CAPRIN1: variants seen among roughly 807,000 people sequenced by gnomAD.
CAPRIN1 encodes cell cycle associated protein 1, also known as caprin-1.
In CAPRIN1, 29 loss-of-function variants were observed where a neutral mutation model predicts 100.9. That is an observed-to-expected ratio of 0.29 (90% CI 0.21 to 0.39). The LOEUF is 0.39. Among genes scored for constraint, CAPRIN1 ranks in the 10% least tolerant of loss-of-function variants. The pLI is 1.00. For missense variants in CAPRIN1, 795 were observed against 876.7 expected (o/e 0.91, Z 1.18); for synonymous variants, 338 against 307.5 (o/e 1.10, Z -1.04).
intron 2 of CAPRIN1, among the ~76,000 whole-genome samples, chr11:34,060,086 C>T (rs1262202649): frequency 6.7e-6 from 1 of 148,258 alleles, no homozygotes; most frequent in Admixed American, 6.9e-5. Context: ...GTTCCAGCTA[C>T]TTGGGAGGCC....
At chr11:34,095,430 A>G (rs1851351948) in intron 15 of CAPRIN1, among the ~76,000 whole-genome samples, 2 of 152,254 alleles carry the variant, frequency 1.3e-5, no homozygotes, top group African/African-American at 4.8e-5. Flanking sequence ...AAGTAATTCA[A>G]GAGGAGCAGT....
chr11:34,082,250 T>C (rs1385049935), intron 7 of CAPRIN1, among the ~76,000 whole-genome samples: 1 of 152,074 alleles, frequency 6.6e-6, no homozygotes, highest in African/African-American at 2.4e-5. Flanking sequence ...CACAATGGCC[T>C]GATCTCGGCT....
At chr11:34,053,034 C>T (rs1850363355) in intron 2 of CAPRIN1, 10 of 1,036,892 alleles carry the variant, frequency 9.6e-6, no homozygotes, top group Admixed American at 5.8e-5. Context: ...GGTCCCTGCG[C>T]GGGGGGCTCC....
At chr11:34,090,497 C>T (rs201331936) in intron 13 of CAPRIN1, 32 bp from the exon 14 acceptor site, 80 of 1,600,164 alleles carry the variant, frequency 5.0e-5, no homozygotes, top group Non-Finnish European at 6.2e-5. Context: ...TTTAGTTTAC[C>T]GCTAAAGTGC....
intron 2 of CAPRIN1, among the ~76,000 whole-genome samples, chr11:34,067,691 T>G (rs962072799): frequency 1.3e-5 from 2 of 151,928 alleles, no homozygotes; most frequent in Middle Eastern, 3.4e-3. Flanking sequence ...TAGAGACAGG[T>G]TCTCACTATG....
At position 34,102,473 on chromosome 11, in the gene CAPRIN1, G is replaced by A. The variant is rs1378661297; in HGVS notation, c.*3106G>A. Among the ~76,000 whole-genome samples, 1 of 152,116 alleles carries A rather than the reference G, an allele frequency of 6.6e-6. No individual in the cohort carries two copies. Among genetic ancestry groups the A allele is most frequent in the African/African-American group, 2.4e-5 (1 of 41,410 alleles). ...CTTGTCCTTTTTATGGAGTTAACGGGGAGGAAGACCCCTCAGGAAAACGAA... is the reference window on the plus strand; with the variant it reads ...CTTGTCCTTTTTATGGAGTTAACGGAGAGGAAGACCCCTCAGGAAAACGAA... On this transcript the variant is annotated 3_prime_UTR_variant, in exon 19 of 19. Coordinates refer to ENST00000341394, the MANE Select transcript of CAPRIN1 (RefSeq NM_005898.5).
At chr11:34,053,566 C>T (rs1850381508) in intron 2 of CAPRIN1, 1 of 151,068 alleles carries the variant, frequency 6.6e-6, no homozygotes, top group Non-Finnish European at 1.5e-5. Context: ...ACCAGGCAGC[C>T]GCCCCGACTG....
chr11:34,093,549 C>T (rs1314725472), intron 15 of CAPRIN1, among the ~76,000 whole-genome samples: 1 of 152,156 alleles, frequency 6.6e-6, no homozygotes, highest in East Asian at 1.9e-4. Flanking sequence ...TCTTGGTAAA[C>T]TTGGATCAGC....
At position 34,091,814 on chromosome 11, in the gene CAPRIN1, T is replaced by G. The variant is rs558593264; in HGVS notation, c.1555-92T>G. 96 of 1,156,110 alleles carry G rather than the reference T, an allele frequency of 8.3e-5. 1 individual carries two copies. In the South Asian group the frequency reaches 1.3e-3, roughly 15 times the overall value. The allele number at this position is 1,156,110 out of a possible 1,614,324, so 71.6% of individuals were successfully genotyped here. On this transcript the variant is annotated intron_variant, in intron 14 of 18. Coordinates refer to ENST00000341394, the MANE Select transcript of CAPRIN1 (RefSeq NM_005898.5). ...TTTGAGACCTCTGTGATGTCTTTATTTATGTCTGAGGTAAAACCACCATTG... is the reference window on the plus strand; with the variant it reads ...TTTGAGACCTCTGTGATGTCTTTATGTATGTCTGAGGTAAAACCACCATTG...
intron 4 of CAPRIN1, 55 bp downstream of exon 4, chr11:34,072,042 T>G (rs762455811): frequency 1.7e-6 from 2 of 1,211,950 alleles, no homozygotes; most frequent in Non-Finnish European, 1.2e-6. Context: ...TTCTTTGGGT[T>G]TTAGTCCTTC....
At position 34,083,057 on chromosome 11, in the gene CAPRIN1, A is replaced by G; in HGVS notation, c.966+16A>G. ...AACGGTTGAGGTAAGAGTTCTCTGT[A>G]TTGCAAAGTTGTTGTCTTTGTCTTC... is the stretch of plus-strand genomic sequence containing the variant. On this transcript the variant is annotated intron_variant, in intron 9 of 18. Transcript: ENST00000341394. 2 of 1,575,246 alleles carry G rather than the reference A, an allele frequency of 1.3e-6. No individual in the cohort carries two copies. Among genetic ancestry groups the G allele is most frequent in the Middle Eastern group, 1.7e-4 (1 of 5,984 alleles).
chr11:34,072,075 G>T lies in CAPRIN1; in HGVS notation c.366+88G>T, dbSNP rs1209185732. 1.6e-5 allele frequency: 13 copies of T among 794,740 alleles called. No homozygotes were observed. The East Asian group carries it at 3.2e-4, about 20-fold the overall frequency. The allele number at this position is 794,740 out of a possible 1,614,324, so 49.2% of individuals were successfully genotyped here. A position where few individuals can be genotyped will look rare whatever the true frequency, so the allele number is the denominator to read the frequency against. On this transcript the variant is annotated intron_variant, in intron 4 of 18. Coordinates refer to ENST00000341394, the MANE Select transcript of CAPRIN1 (RefSeq NM_005898.5). Reference sequence around the variant, plus strand: ...TTCCATTACTATTGATAAGCTCTCTGCAAGGTGAGACAGTTGTATCCAATT... The same window carrying T: ...TTCCATTACTATTGATAAGCTCTCTTCAAGGTGAGACAGTTGTATCCAATT...
intron 2 of CAPRIN1, among the ~76,000 whole-genome samples, chr11:34,066,191 G>A (rs111641821): frequency 3.4e-4 from 52 of 152,182 alleles, no homozygotes; most frequent in South Asian, 4.1e-4. Flanking sequence ...GCCTGGGCTG[G>A]TCTTGAACTC....
intron 11 of CAPRIN1, among the ~76,000 whole-genome samples, chr11:34,088,342 A>C (rs1331497015): frequency 3.9e-5 from 6 of 152,040 alleles, no homozygotes; most frequent in Non-Finnish European, 8.8e-5. Flanking sequence ...CTCTAGAAAC[A>C]CTTGAAATTG....
At chr11:34,074,236 A>G (rs1850862827) in intron 4 of CAPRIN1, among the ~76,000 whole-genome samples, 1 of 152,200 alleles carries the variant, frequency 6.6e-6, no homozygotes, top group Non-Finnish European at 1.5e-5. Context: ...ATACAGTTTA[A>G]TGTAACATCT....
intron 12 of CAPRIN1, 47 bp downstream of exon 12, chr11:34,089,503 G>A (rs568968101): frequency 5.6e-5 from 61 of 1,092,014 alleles, no homozygotes; most frequent in Middle Eastern, 4.1e-4. Context: ...TAGGTGGCTC[G>A]TACCTATAAT....
chr11:34,060,938 C>T (rs1217887552), intron 2 of CAPRIN1, among the ~76,000 whole-genome samples: 2 of 152,162 alleles, frequency 1.3e-5, no homozygotes, highest in African/African-American at 4.8e-5. Flanking sequence ...CTTTTCAAAT[C>T]TAGAAGCTTT....
chr11:34,064,512 C>T (rs1850647311), intron 2 of CAPRIN1, among the ~76,000 whole-genome samples: 1 of 152,214 alleles, frequency 6.6e-6, no homozygotes, highest in African/African-American at 2.4e-5. Flanking sequence ...TTTTCCTTAT[C>T]ATGGAAGGCC....
intron 7 of CAPRIN1, 85 bp downstream of exon 7, chr11:34,079,850 G>T (rs1271284822): frequency 2.0e-5 from 23 of 1,171,168 alleles, no homozygotes; most frequent in Non-Finnish European, 2.6e-5. Context: ...CACTTACTTA[G>T]TTTTCATATA....
Sources: allele counts gnomAD v4.1 joint callset (sites outside exome capture counted in the v4.1 genomes callset), GRCh38; gene constraint gnomAD v4.1.1; transcripts MANE v1.5; gene names NCBI Gene and HGNC (gene_info 2026-07-23, HGNC 2026-07-21).